The following SMOC2 variants were observed in gnomAD, a reference collection of about 807,000 sequenced individuals.
SMOC2 encodes the protein SPARC related modular calcium binding 2.
In SMOC2, 39 loss-of-function variants were observed where a neutral mutation model predicts 61.4. The ratio of observed to expected loss-of-function variants is 0.64; its 90% CI spans 0.49 to 0.83. SMOC2 has a LOEUF of 0.83. Ranked by LOEUF, SMOC2 falls within the 40% of genes least tolerant of loss-of-function variation. The pLI is 0.00. For missense variants in SMOC2, 556 were observed against 592.9 expected, an observed-to-expected ratio of 0.94 and a Z score of 0.65; for synonymous variants, 247 against 239.9, an observed-to-expected ratio of 1.03 and a Z score of -0.27.
intron 9 of SMOC2, among the ~76,000 whole-genome samples, chr6:168,613,436 G>C (rs757010845): frequency 4.6e-5 from 7 of 152,110 alleles, no homozygotes; most frequent in African/African-American, 1.4e-4. Flanking sequence ...CCCCAAGCCA[G>C]GGTCCTCTCC....
chr6:168,541,531 C>T (rs1015496898), intron 4 of SMOC2, among the ~76,000 whole-genome samples: 1 of 152,204 alleles, frequency 6.6e-6, no homozygotes, highest in African/African-American at 2.4e-5. Context: ...CATGGCTCTG[C>T]TGGCCTGTGG....
chr6:168,652,347 GC>G (rs1327410807), intron 10 of SMOC2, among the ~76,000 whole-genome samples: 5 of 152,276 alleles, frequency 3.3e-5, no homozygotes, highest in African/African-American at 1.2e-4. Flanking sequence ...GAATCCAGGG[GC>G]CAGCACCTCC....
Position 168,452,990 on chromosome 6 carries a change from C to T in SMOC2, c.84+11536C>T, listed in dbSNP as rs1781497548. On this transcript the variant is annotated intron_variant, in intron 1 of 12. Transcript: ENST00000356284. This position sits in a 1 kb window ranked among gnomAD's most constrained non-coding sequence, Gnocchi z 5.0. ...GACAGCAGGGGCAGGACGCCCTCCT[C>T]CCAGTGGCTCTGACAGCAGGGCCGG... Among the ~76,000 whole-genome samples the T allele has an allele frequency of 1.3e-5, 2 of 152,222 alleles. No individual in the cohort carries two copies. The highest frequency in any genetic ancestry group is 4.8e-5 in the African/African-American group (2 of 41,464).
intron 2 of SMOC2, among the ~76,000 whole-genome samples, chr6:168,515,602 T>TCCAAGGCCTC (rs533514691): frequency 2.0e-5 from 3 of 151,680 alleles, no homozygotes; most frequent in African/African-American, 4.8e-5. Context: ...AGACGGGCCT[T>TCCAAGGCCTC]GCCCTGAGCG....
At chr6:168,664,047 A>C (rs749449811) in intron 11 of SMOC2, 27 bp from the exon 12 acceptor site, 12 of 1,583,564 alleles carry the variant, frequency 7.6e-6, no homozygotes, top group Non-Finnish European at 9.5e-6. Flanking sequence ...TCTGATTTTT[A>C]ATAATATCTT....
At chr6:168,639,142 C>T (rs1159534727) in intron 9 of SMOC2, among the ~76,000 whole-genome samples, 2 of 152,202 alleles carry the variant, frequency 1.3e-5, no homozygotes, top group East Asian at 3.9e-4. Context: ...TGTTCAGATG[C>T]AGCCATACTC....
intron 1 of SMOC2, among the ~76,000 whole-genome samples, chr6:168,474,068 G>T (rs1782025504): frequency 6.6e-6 from 1 of 152,152 alleles, no homozygotes. Flanking sequence ...AGGGCTCAGT[G>T]TAGTGGTGGG....
chr6:168,461,899 A>G (rs768989694), intron 1 of SMOC2, among the ~76,000 whole-genome samples: 1 of 152,258 alleles, frequency 6.6e-6, no homozygotes, highest in Non-Finnish European at 1.5e-5. Flanking sequence ...AGTCAAGGAT[A>G]CGATGTGCAT....
chr6:168,662,454 C>G (rs548701631), intron 11 of SMOC2, among the ~76,000 whole-genome samples: 1 of 152,264 alleles, frequency 6.6e-6, no homozygotes, highest in East Asian at 1.9e-4. Flanking sequence ...GCAGGAACGC[C>G]ATGCCCAGCA....
intron 4 of SMOC2, among the ~76,000 whole-genome samples, chr6:168,539,775 C>T (rs1430338160): frequency 6.6e-6 from 1 of 152,220 alleles, no homozygotes; most frequent in Non-Finnish European, 1.5e-5. Flanking sequence ...TCCCGGTCCA[C>T]TCTCCCTTCT....
chr6:168,489,250 G>A (rs1041687987), intron 1 of SMOC2, among the ~76,000 whole-genome samples: 18 of 146,656 alleles, frequency 1.2e-4, no homozygotes, highest in Non-Finnish European at 2.2e-4. Flanking sequence ...GTTTTAGAGT[G>A]AAATATATCG....
intron 4 of SMOC2, among the ~76,000 whole-genome samples, chr6:168,529,212 T>C (rs886812373): frequency 3.3e-5 from 5 of 152,236 alleles, no homozygotes; most frequent in Non-Finnish European, 4.4e-5. Context: ...TATTCCTTTT[T>C]TTTTAACTGC....
intron 1 of SMOC2, among the ~76,000 whole-genome samples, chr6:168,480,007 G>T (rs1201291057): frequency 6.6e-6 from 1 of 152,106 alleles, no homozygotes; most frequent in Non-Finnish European, 1.5e-5. Flanking sequence ...AAAGGTGCAG[G>T]CTCAGAAAAG....
intron 12 of SMOC2, among the ~76,000 whole-genome samples, chr6:168,665,480 T>G (rs1409559795): frequency 6.6e-6 from 1 of 152,244 alleles, no homozygotes; most frequent in Admixed American, 6.5e-5. Flanking sequence ...TTTCACCATA[T>G]GCATGACCCA....
intron 9 of SMOC2, among the ~76,000 whole-genome samples, chr6:168,623,887 T>C (rs1786314700): frequency 6.6e-6 from 1 of 152,076 alleles, no homozygotes. Context: ...GGGCTGTCGG[T>C]GCAGTGGCTG....
Position 168,535,425 on chromosome 6 carries a change from G to A in SMOC2, c.463+7698G>A, listed in dbSNP as rs190141997. Among the ~76,000 whole-genome samples, 23 of 152,264 alleles carry A rather than the reference G, an allele frequency of 1.5e-4. No homozygotes were observed. Among genetic ancestry groups the A allele is most frequent in the Admixed American group, 1.1e-3 (17 of 15,292 alleles). On this transcript the variant is annotated intron_variant, in intron 4 of 12. Transcript: ENST00000356284. The surrounding 1 kb of genome is among the most constrained non-coding windows in gnomAD (Gnocchi z 4.6). ...ATTTATGAAACTATTAAAATGTTGTGTGGCCCTTTAGCAAGAGTGATACAG... is the reference window on the plus strand; with the variant it reads ...ATTTATGAAACTATTAAAATGTTGTATGGCCCTTTAGCAAGAGTGATACAG...
At chr6:168,461,858 C>T (rs1781725597) in intron 1 of SMOC2, among the ~76,000 whole-genome samples, 1 of 151,980 alleles carries the variant, frequency 6.6e-6, no homozygotes, top group Non-Finnish European at 1.5e-5. Flanking sequence ...TTTTTCAGGG[C>T]TGCTATTATT....
intron 9 of SMOC2, among the ~76,000 whole-genome samples, chr6:168,613,452 C>T (rs1583160323): frequency 6.6e-6 from 1 of 152,116 alleles, no homozygotes; most frequent in East Asian, 1.9e-4. Flanking sequence ...TCTCCTGGAT[C>T]CCCAGAGCTC....
intron 4 of SMOC2, among the ~76,000 whole-genome samples, chr6:168,542,346 C>A (rs1359281221): frequency 6.6e-6 from 1 of 152,134 alleles, no homozygotes; most frequent in Non-Finnish European, 1.5e-5. Flanking sequence ...AATATGTAAC[C>A]AAATGGTAAC....
Sources: allele counts gnomAD v4.1 joint callset (sites outside exome capture counted in the v4.1 genomes callset), GRCh38; gene constraint gnomAD v4.1.1; non-coding constraint Gnocchi (gnomAD v3.1); transcripts MANE v1.5; gene names NCBI Gene and HGNC (gene_info 2026-07-23, HGNC 2026-07-21).